The following UBXN7 variants were observed in gnomAD, a reference collection of about 807,000 sequenced individuals.
The protein encoded by UBXN7 is UBX domain protein 7, also known as UBX domain-containing protein 7.
Under a neutral mutation model 58.0 loss-of-function variants are expected in UBXN7, and 9 were observed. That is an observed-to-expected ratio of 0.16 (90% CI 0.09 to 0.27). UBXN7 has a LOEUF of 0.27. Ranked by LOEUF, UBXN7 falls within the 10% of genes least tolerant of loss-of-function variation. UBXN7 has a pLI of 1.00. For missense variants in UBXN7, 328 were observed against 599.6 expected (o/e 0.55, Z 4.73); for synonymous variants, 208 against 205.0 (o/e 1.01, Z -0.12).
At chr3:196,394,560 G>A (rs11707862) in intron 3 of UBXN7, among the ~76,000 whole-genome samples, 19,011 of 150,992 alleles carry the variant, frequency 0.13, 1,449 homozygotes, top group South Asian at 0.2. Flanking sequence ...CCAAGATCAC[G>A]CCACTGCACT....
chr3:196,418,337 T>G (rs970675296), intron 1 of UBXN7, among the ~76,000 whole-genome samples: 1 of 152,084 alleles, frequency 6.6e-6, no homozygotes, highest in Non-Finnish European at 1.5e-5. Context: ...AAGTTTACAG[T>G]ACTCTATACG....
intron 5 of UBXN7, among the ~76,000 whole-genome samples, chr3:196,380,151 G>A (rs891320321): frequency 3.9e-5 from 6 of 152,032 alleles, no homozygotes; most frequent in African/African-American, 1.4e-4. Flanking sequence ...TCAGGAGGCT[G>A]AGGAAGGAGA....
At chr3:196,409,535 G>T (rs572241829) in intron 1 of UBXN7, among the ~76,000 whole-genome samples, 1 of 152,094 alleles carries the variant, frequency 6.6e-6, no homozygotes, top group Non-Finnish European at 1.5e-5. Flanking sequence ...CCTCCTAAGA[G>T]GATATGATTT....
At chr3:196,408,910 T>C (rs923430366) in intron 1 of UBXN7, among the ~76,000 whole-genome samples, 1 of 152,222 alleles carries the variant, frequency 6.6e-6, no homozygotes, top group Admixed American at 6.5e-5. Flanking sequence ...TGGAATTCAA[T>C]GGACTTCTAC....
chr3:196,392,506 C>CA (rs889025547), intron 4 of UBXN7, among the ~76,000 whole-genome samples: 1,552 of 138,178 alleles, frequency 0.011, 22 homozygotes, highest in African/African-American at 0.038. Context: ...GACTCCATCT[C>CA]AAAAAAAAAA....
intron 1 of UBXN7, among the ~76,000 whole-genome samples, chr3:196,422,913 C>T (rs1730731586): frequency 2.0e-5 from 3 of 152,150 alleles, no homozygotes; most frequent in Non-Finnish European, 2.9e-5. Context: ...GTATACTATT[C>T]CCCAATAAAT....
chr3:196,392,829 A>G (rs1729630359), intron 4 of UBXN7, among the ~76,000 whole-genome samples: 2 of 152,180 alleles, frequency 1.3e-5, no homozygotes, highest in Non-Finnish European at 2.9e-5. Flanking sequence ...AATAAAAAAA[A>G]GATTATGACA....
intron 1 of UBXN7, among the ~76,000 whole-genome samples, chr3:196,422,791 T>C (rs181628494): frequency 6.6e-6 from 1 of 152,330 alleles, no homozygotes; most frequent in Non-Finnish European, 1.5e-5. Flanking sequence ...CAAAAGATAT[T>C]CACACACTTG....
At chr3:196,424,458 G>C (rs1440462535) in intron 1 of UBXN7, among the ~76,000 whole-genome samples, 1 of 147,222 alleles carries the variant, frequency 6.8e-6, no homozygotes, top group Non-Finnish European at 1.5e-5. Context: ...ATAGCAGCAG[G>C]AGCATAGTTC....
chr3:196,403,955 T>A (rs1270457984), intron 2 of UBXN7, among the ~76,000 whole-genome samples: 1 of 152,082 alleles, frequency 6.6e-6, no homozygotes, highest in Non-Finnish European at 1.5e-5. Context: ...CTTTAAAGAT[T>A]AGTTTATTTT....
At chr3:196,389,742 T>G (rs1040897620) in intron 5 of UBXN7, among the ~76,000 whole-genome samples, 7 of 152,222 alleles carry the variant, frequency 4.6e-5, no homozygotes, top group African/African-American at 1.7e-4. Flanking sequence ...TATACCTTTT[T>G]CTTTATAAAT....
At chr3:196,427,230 T>C (rs1353552187) in intron 1 of UBXN7, among the ~76,000 whole-genome samples, 2 of 152,222 alleles carry the variant, frequency 1.3e-5, no homozygotes, top group African/African-American at 4.8e-5. Context: ...TTGGTGCTAA[T>C]GGAATACTGC....
At position 196,375,158 on chromosome 3, in the gene UBXN7, G is replaced by A. The variant is rs557489112; in HGVS notation, c.469-3116C>T. ...TCGTATTATACATTGAAAATGTGCT[G>A]AGAGCAGATTATTAGGTGCTCTTAC... On this transcript the variant is annotated intron_variant, in intron 5 of 10. Transcript: ENST00000296328. Among the ~76,000 whole-genome samples the A allele has an allele frequency of 2.9e-3, 435 of 150,048 alleles. 1 individual carries two copies. Among genetic ancestry groups the A allele is most frequent in the Middle Eastern group, 0.014 (4 of 292 alleles).
chr3:196,390,865 T>A (rs577739017), intron 5 of UBXN7, among the ~76,000 whole-genome samples: 2 of 152,048 alleles, frequency 1.3e-5, no homozygotes, highest in Non-Finnish European at 1.5e-5. Context: ...CAGAAGAGTA[T>A]CTAAAATCTT....
Position 196,356,363 on chromosome 3 carries a change from C to T in UBXN7, c.*322G>A, listed in dbSNP as rs1728349176. ...CCGTGCAAGAGACCACTTACTGGAA[C>T]ACACAATTCCTGCTGCTAGTACTAG... is the stretch of plus-strand genomic sequence containing the variant. On this transcript the variant is annotated 3_prime_UTR_variant, in exon 11 of 11. Coordinates refer to ENST00000296328, the MANE Select transcript of UBXN7 (RefSeq NM_015562.2). The T allele has an allele frequency of 1.0e-5, 2 of 190,616 alleles. No individual in the cohort carries two copies. Among genetic ancestry groups the T allele is most frequent in the African/African-American group, 2.4e-5 (1 of 42,374 alleles). The allele number at this position is 190,616 out of a possible 1,614,324, so 11.8% of individuals were successfully genotyped here.
At chr3:196,370,599 C>T (rs1182738835) in intron 6 of UBXN7, among the ~76,000 whole-genome samples, 1 of 151,680 alleles carries the variant, frequency 6.6e-6, no homozygotes, top group Non-Finnish European at 1.5e-5. Context: ...ATTAAAGTTA[C>T]ATTAAATTTA....
At chr3:196,412,714 T>C (rs1235914780) in intron 1 of UBXN7, among the ~76,000 whole-genome samples, 1 of 152,196 alleles carries the variant, frequency 6.6e-6, no homozygotes, top group East Asian at 1.9e-4. Context: ...AAAAGTAGTA[T>C]ATTCATACAA....
intron 10 of UBXN7, among the ~76,000 whole-genome samples, chr3:196,359,170 G>T (rs1421665136): frequency 1.3e-5 from 2 of 151,996 alleles, no homozygotes; most frequent in African/African-American, 4.8e-5. Context: ...TCACCTTTTG[G>T]TAATGCTTGC....
chr3:196,417,492 G>A (rs1181328008), intron 1 of UBXN7, among the ~76,000 whole-genome samples: 2 of 151,856 alleles, frequency 1.3e-5, no homozygotes, highest in Non-Finnish European at 2.9e-5. Flanking sequence ...ACCTGGGTTC[G>A]ACCTTCTACT....
Sources: allele counts gnomAD v4.1 joint callset (sites outside exome capture counted in the v4.1 genomes callset), GRCh38; gene constraint gnomAD v4.1.1; transcripts MANE v1.5; gene names NCBI Gene and HGNC (gene_info 2026-07-23, HGNC 2026-07-21).